CACNA2D3: variants seen among roughly 807,000 people sequenced by gnomAD.
CACNA2D3 encodes voltage-dependent calcium channel subunit alpha-2/delta-3.
CACNA2D3 carries 60 observed loss-of-function variants against 160.6 expected under a neutral mutation model. That is an observed-to-expected ratio of 0.37 (90% CI 0.30 to 0.46). The LOEUF is 0.46. Ranked by LOEUF, CACNA2D3 falls within the 20% of genes least tolerant of loss-of-function variation. The probability of loss-of-function intolerance (pLI) is 1.00; values close to 1 mark genes in which losing one functional copy is unlikely to be tolerated. For missense variants in CACNA2D3, 1,205 were observed against 1,365.0 expected (o/e 0.88, Z 1.85); for synonymous variants, 558 against 492.9 (o/e 1.13, Z -1.75).
chr3:54,445,665 G>T (rs1700212098), intron 4 of CACNA2D3, among the ~76,000 whole-genome samples: 1 of 151,984 alleles, frequency 6.6e-6, no homozygotes, highest in Non-Finnish European at 1.5e-5. Flanking sequence ...AGGAGGTAGG[G>T]AGTGTTGGAG....
At chr3:54,804,345 A>T (rs1703065064) in intron 13 of CACNA2D3, among the ~76,000 whole-genome samples, 1 of 152,100 alleles carries the variant, frequency 6.6e-6, no homozygotes, top group Non-Finnish European at 1.5e-5. Flanking sequence ...GGCTCAAAAT[A>T]AAAGGATGGA....
At chr3:54,368,579 C>T (rs141902190) in intron 3 of CACNA2D3, among the ~76,000 whole-genome samples, 2 of 150,170 alleles carry the variant, frequency 1.3e-5, no homozygotes, top group East Asian at 4.0e-4. Context: ...AGTCACTGAT[C>T]TTTTCTGCTT....
At chr3:54,496,306 C>A (rs1034756103) in intron 4 of CACNA2D3, among the ~76,000 whole-genome samples, 6 of 152,156 alleles carry the variant, frequency 3.9e-5, no homozygotes, top group African/African-American at 1.4e-4. Context: ...ATATCCTTGG[C>A]AATGTTTAAT....
chr3:54,708,235 T>C (rs544721815), intron 11 of CACNA2D3, among the ~76,000 whole-genome samples: 2 of 152,328 alleles, frequency 1.3e-5, no homozygotes, highest in South Asian at 4.1e-4. Flanking sequence ...GTCTTTAATC[T>C]CTGAGAATGA....
At chr3:54,999,210 G>A (rs1702925970) in intron 31 of CACNA2D3, among the ~76,000 whole-genome samples, 1 of 152,172 alleles carries the variant, frequency 6.6e-6, no homozygotes, top group African/African-American at 2.4e-5. Flanking sequence ...ACTGATACGA[G>A]CAGGAGAGAA....
At chr3:54,569,126 G>T (rs1159124380) in intron 6 of CACNA2D3, among the ~76,000 whole-genome samples, 1 of 152,132 alleles carries the variant, frequency 6.6e-6, no homozygotes, top group Non-Finnish European at 1.5e-5. Flanking sequence ...AACTAAGTTG[G>T]ATATATCCTG....
At chr3:54,262,657 G>C (rs148390267) in intron 2 of CACNA2D3, among the ~76,000 whole-genome samples, 1 of 152,076 alleles carries the variant, frequency 6.6e-6, no homozygotes, top group Non-Finnish European at 1.5e-5. Context: ...AGCATCCGTC[G>C]TGTGATTAGC....
chr3:54,796,143 T>C (rs1702861703), intron 13 of CACNA2D3, among the ~76,000 whole-genome samples: 2 of 151,968 alleles, frequency 1.3e-5, no homozygotes, highest in African/African-American at 4.8e-5. Context: ...TTCATTTTTA[T>C]TTTTACCTTG....
chr3:54,914,829 G>A (rs1559626980), intron 27 of CACNA2D3, among the ~76,000 whole-genome samples: 2 of 152,202 alleles, frequency 1.3e-5, no homozygotes, highest in African/African-American at 2.4e-5. Flanking sequence ...ATAGCATTTA[G>A]CAATGGATAC....
Position 54,822,787 on chromosome 3 carries a change from TTTC to T in CACNA2D3, c.1398+5918_1398+5920del, listed in dbSNP as rs1559595594. Among the ~76,000 whole-genome samples, 173 of 70,662 alleles carry T rather than the reference TTTC, an allele frequency of 2.4e-3. 3 individuals carry two copies. The highest frequency in any genetic ancestry group is 4.2e-3 in the African/African-American group (79 of 18,934). The allele number at this position is 70,662 out of a possible 152,430, so 46.4% of individuals were successfully genotyped here. A position where few individuals can be genotyped will look rare whatever the true frequency, so the allele number is the denominator to read the frequency against. On this transcript the variant is annotated intron_variant, in intron 14 of 37. Transcript: ENST00000474759. ...CTTTCTTTCTTTCTTTCTTTCTTTC[TTTC>T]CTTTCTTTCTTTCTTTCTTTCTTTC... is the stretch of plus-strand genomic sequence containing the variant.
intron 10 of CACNA2D3, among the ~76,000 whole-genome samples, chr3:54,641,316 T>C (rs1175838868): frequency 6.6e-6 from 1 of 152,252 alleles, no homozygotes; most frequent in African/African-American, 2.4e-5. Context: ...ATTCAAAGAT[T>C]TCTGACTGGC....
At chr3:55,019,300 G>A (rs1703397249) in intron 35 of CACNA2D3, among the ~76,000 whole-genome samples, 1 of 151,202 alleles carries the variant, frequency 6.6e-6, no homozygotes, top group Non-Finnish European at 1.5e-5. Context: ...TTTATTCTTG[G>A]CTCTTTACTC....
At chr3:54,526,837 C>T (rs1013711909) in intron 5 of CACNA2D3, among the ~76,000 whole-genome samples, 1 of 152,104 alleles carries the variant, frequency 6.6e-6, no homozygotes, top group Admixed American at 6.5e-5. Flanking sequence ...ATTACAAGTA[C>T]CCGTCACCAC....
At chr3:54,285,711 G>T (rs113638603) in intron 2 of CACNA2D3, among the ~76,000 whole-genome samples, 1 of 152,126 alleles carries the variant, frequency 6.6e-6, no homozygotes, top group Non-Finnish European at 1.5e-5. Flanking sequence ...TCACACGGCC[G>T]GGAACTCCTC....
chr3:54,469,402 C>T (rs976904903), intron 4 of CACNA2D3, among the ~76,000 whole-genome samples: 2 of 152,142 alleles, frequency 1.3e-5, no homozygotes, highest in Admixed American at 1.3e-4. Context: ...GATGTTCACA[C>T]AAAAACCTCA....
At chr3:54,718,574 T>C (rs1214620214) in intron 11 of CACNA2D3, among the ~76,000 whole-genome samples, 1 of 152,090 alleles carries the variant, frequency 6.6e-6, no homozygotes, top group African/African-American at 2.4e-5. Flanking sequence ...TTTTAATTAC[T>C]TGAGTTTTAT....
At chr3:54,784,465 T>G (rs1009823452) in intron 13 of CACNA2D3, among the ~76,000 whole-genome samples, 4 of 152,088 alleles carry the variant, frequency 2.6e-5, no homozygotes, top group African/African-American at 9.7e-5. Context: ...AACCGAACTC[T>G]GTTTTGCTCC....
intron 25 of CACNA2D3, among the ~76,000 whole-genome samples, chr3:54,894,413 C>A (rs973888723): frequency 6.6e-6 from 1 of 152,078 alleles, no homozygotes; most frequent in Non-Finnish European, 1.5e-5. Flanking sequence ...CACTGGACAC[C>A]CAGATGTGCA....
chr3:55,020,901 T>A (rs1368322146), intron 35 of CACNA2D3, among the ~76,000 whole-genome samples: 1 of 152,156 alleles, frequency 6.6e-6, no homozygotes, highest in Non-Finnish European at 1.5e-5. Flanking sequence ...TTCAATTTAC[T>A]TACACCATGA....
Sources: allele counts gnomAD v4.1 joint callset (sites outside exome capture counted in the v4.1 genomes callset), GRCh38; gene constraint gnomAD v4.1.1; transcripts MANE v1.5; gene names NCBI Gene and HGNC (gene_info 2026-07-23, HGNC 2026-07-21).